Variants in NRXN1 observed in about 807,000 individuals in gnomAD.
NRXN1 encodes the protein neurexin-1.
In NRXN1, 39 loss-of-function variants were observed where a neutral mutation model predicts 150.9. The observed-to-expected ratio is 0.26, with a 90% confidence interval of 0.20 to 0.34. The LOEUF (loss-of-function observed/expected upper bound fraction) is 0.34, where lower values mean the gene tolerates loss of function less well. Ranked by LOEUF, NRXN1 falls within the 10% of genes least tolerant of loss-of-function variation. The pLI, the probability that NRXN1 is intolerant of heterozygous loss-of-function variation, is 1.00. For synonymous variants in NRXN1, 924 were observed against 757.0 expected, an observed-to-expected ratio of 1.22 and a Z score of -3.62; for missense variants, 1,815 against 1,949.9, an observed-to-expected ratio of 0.93 and a Z score of 1.30.
chr2:50,444,227 G>T (rs910476163), intron 17 of NRXN1, among the ~76,000 whole-genome samples: 3 of 152,214 alleles, frequency 2.0e-5, no homozygotes, highest in African/African-American at 4.8e-5. Context: ...TAGCCTTGGG[G>T]TATCCATTCT....
At chr2:50,530,584 C>T (rs1211053261) in intron 11 of NRXN1, among the ~76,000 whole-genome samples, 1 of 152,030 alleles carries the variant, frequency 6.6e-6, no homozygotes, top group Non-Finnish European at 1.5e-5. Context: ...TACAATTAAG[C>T]AGGAAAGCAT....
intron 21 of NRXN1, among the ~76,000 whole-genome samples, chr2:50,037,081 T>G (rs1690154554): frequency 6.6e-6 from 1 of 152,176 alleles, no homozygotes; most frequent in Non-Finnish European, 1.5e-5. Context: ...CTGAGAAACA[T>G]TTTTTAAAGA....
chr2:50,388,923 A>G (rs551233048), intron 17 of NRXN1, among the ~76,000 whole-genome samples: 2 of 152,266 alleles, frequency 1.3e-5, no homozygotes, highest in East Asian at 3.9e-4. Context: ...TGTGGTCACT[A>G]CATTAAACAA....
intron 8 of NRXN1, among the ~76,000 whole-genome samples, chr2:50,583,374 C>T (rs1044495142): frequency 8.5e-5 from 13 of 152,094 alleles, no homozygotes; most frequent in African/African-American, 3.1e-4. Flanking sequence ...ACCTACTCAC[C>T]TTTCAGAACT....
chr2:50,937,546 G>A (rs1688731673), intron 2 of NRXN1, among the ~76,000 whole-genome samples: 1 of 152,056 alleles, frequency 6.6e-6, no homozygotes, highest in African/African-American at 2.4e-5. Flanking sequence ...ATAAACTGAA[G>A]GAGTTTAGTA....
intron 17 of NRXN1, among the ~76,000 whole-genome samples, chr2:50,406,403 G>A (rs2082752415): frequency 6.6e-6 from 1 of 152,104 alleles, no homozygotes; most frequent in East Asian, 1.9e-4. Context: ...AATAAAAAAG[G>A]ATTTTGATTG....
chr2:50,598,492 C>G (rs907122823), intron 8 of NRXN1, among the ~76,000 whole-genome samples: 25 of 150,866 alleles, frequency 1.7e-4, no homozygotes, highest in African/African-American at 5.1e-4. Context: ...GTGTAAAATG[C>G]CCCAAAGCCA....
intron 5 of NRXN1, among the ~76,000 whole-genome samples, chr2:50,833,977 C>T (rs186529546): frequency 2.7e-4 from 41 of 151,962 alleles, no homozygotes; most frequent in Admixed American, 5.2e-4. Context: ...TACATAAAAA[C>T]AAATTTAAGA....
chr2:50,081,004 C>G (rs1697879621), intron 19 of NRXN1, among the ~76,000 whole-genome samples: 1 of 152,028 alleles, frequency 6.6e-6, no homozygotes, highest in Admixed American at 6.6e-5. Flanking sequence ...AGGATGCAAC[C>G]CTTAAACATA....
At chr2:50,875,888 A>G (rs1678515092) in intron 5 of NRXN1, among the ~76,000 whole-genome samples, 1 of 151,832 alleles carries the variant, frequency 6.6e-6, no homozygotes. Flanking sequence ...AAGACAGTAC[A>G]TTCCCTCACC....
intron 8 of NRXN1, 31 bp from the exon 9 acceptor site, chr2:50,553,056 G>A (rs116054175): frequency 1.4e-6 from 2 of 1,464,890 alleles, no homozygotes; most frequent in African/African-American, 2.8e-5. Context: ...TGAGAAACTA[G>A]CCTCCATATT....
At chr2:50,231,633 G>C (rs1358401045) in intron 18 of NRXN1, among the ~76,000 whole-genome samples, 1 of 152,016 alleles carries the variant, frequency 6.6e-6, no homozygotes, top group Non-Finnish European at 1.5e-5. Flanking sequence ...CAAGATGAAA[G>C]GATTTCAAAA....
chr2:50,354,216 T>C (rs1360123017), intron 17 of NRXN1, among the ~76,000 whole-genome samples: 1 of 152,126 alleles, frequency 6.6e-6, no homozygotes, highest in Non-Finnish European at 1.5e-5. Context: ...TCTCACACCA[T>C]GTAACTATAA....
intron 2 of NRXN1, among the ~76,000 whole-genome samples, chr2:50,955,339 G>T (rs1692111505): frequency 6.6e-6 from 1 of 152,182 alleles, no homozygotes; most frequent in Admixed American, 6.5e-5. Context: ...CTCTTCAGTG[G>T]AGTTCAAAGA....
At chr2:50,412,284 C>G (rs963965768) in intron 17 of NRXN1, among the ~76,000 whole-genome samples, 1 of 150,682 alleles carries the variant, frequency 6.6e-6, no homozygotes, top group Non-Finnish European at 1.5e-5. Flanking sequence ...TCCCCCTCTC[C>G]GAGAAACACC....
intron 5 of NRXN1, among the ~76,000 whole-genome samples, chr2:50,903,006 T>C (rs1683163604): frequency 6.6e-6 from 1 of 152,110 alleles, no homozygotes; most frequent in Non-Finnish European, 1.5e-5. Flanking sequence ...TATTTATGAA[T>C]AAAAGATGAA....
chr2:50,655,500 T>C (rs555079217), intron 5 of NRXN1, among the ~76,000 whole-genome samples: 4 of 152,076 alleles, frequency 2.6e-5, no homozygotes, highest in Non-Finnish European at 5.9e-5. Context: ...CTGTGCTTGT[T>C]TGAATGTAAA....
chr2:50,740,255 C>A (rs976597651), intron 5 of NRXN1, among the ~76,000 whole-genome samples: 1 of 152,134 alleles, frequency 6.6e-6, no homozygotes, highest in Non-Finnish European at 1.5e-5. Context: ...ATGCCTGTGA[C>A]TGGCTCAGAA....
intron 5 of NRXN1, among the ~76,000 whole-genome samples, chr2:50,861,544 T>C (rs1209894703): frequency 6.6e-6 from 1 of 152,092 alleles, no homozygotes; most frequent in Non-Finnish European, 1.5e-5. Context: ...AAGTTTGAGA[T>C]CAGATTTTAA....
Sources: allele counts gnomAD v4.1 joint callset (sites outside exome capture counted in the v4.1 genomes callset), GRCh38; gene constraint gnomAD v4.1.1; transcripts MANE v1.5; gene names NCBI Gene and HGNC (gene_info 2026-07-23, HGNC 2026-07-21).